HS3ST1: variants seen among roughly 807,000 people sequenced by gnomAD.
HS3ST1 encodes the protein heparan sulfate-glucosamine 3-sulfotransferase 1, also known as heparan sulfate glucosamine 3-O-sulfotransferase 1.
A neutral mutation model predicts 20.7 loss-of-function variants in HS3ST1; 8 were observed. The ratio of observed to expected loss-of-function variants is 0.39; its 90% CI spans 0.23 to 0.70. The LOEUF (loss-of-function observed/expected upper bound fraction) is 0.70. Ranked by LOEUF, HS3ST1 falls within the 30% of genes least tolerant of loss-of-function variation. The probability of loss-of-function intolerance (pLI) is 0.46; values close to 1 mark genes in which losing one functional copy is unlikely to be tolerated. For missense variants in HS3ST1, 436 were observed against 423.4 expected (o/e 1.03, Z -0.26); for synonymous variants, 205 against 190.4 (o/e 1.08, Z -0.63).
At chr4:11,433,229 A>G (rs189985297), upstream of HS3ST1, among the ~76,000 whole-genome samples, 265 of 152,318 alleles carry the variant, frequency 1.7e-3, 2 homozygotes, top group African/African-American at 5.7e-3. Context: ...TCAAGGTACC[A>G]TAAGCTCTGG....
At chr4:11,404,513 A>T (rs970786722) in intron 1 of HS3ST1, among the ~76,000 whole-genome samples, 1 of 152,228 alleles carries the variant, frequency 6.6e-6, no homozygotes, top group Non-Finnish European at 1.5e-5. Flanking sequence ...CATGTTTGCA[A>T]TTCTTAATCT....
chr4:11,401,881 G>A (rs1005212633), intron 1 of HS3ST1, among the ~76,000 whole-genome samples: 3 of 152,198 alleles, frequency 2.0e-5, no homozygotes, highest in African/African-American at 7.2e-5. Context: ...CCAGTCAAGG[G>A]TTTATGTTTT....
At chr4:11,424,612 A>G (rs1390581358) in intron 1 of HS3ST1, among the ~76,000 whole-genome samples, 1 of 152,184 alleles carries the variant, frequency 6.6e-6, no homozygotes, top group Non-Finnish European at 1.5e-5. Flanking sequence ...AAGGAATGAA[A>G]GGAACCTGGG....
Position 11,408,470 on chromosome 4 carries a change from A to T in HS3ST1, c.-108-8357T>A, listed in dbSNP as rs771612174. The stretch of plus-strand genomic sequence containing the variant: ...AGCTCAAAGAAGAAAGGACAGTGAC[A>T]CATAGAAATAATTTAGCTCTCTGTA... On this transcript the variant is annotated intron_variant, in intron 1 of 1. Coordinates refer to ENST00000002596, the MANE Select transcript of HS3ST1 (RefSeq NM_005114.4). Among the ~76,000 whole-genome samples the T allele has an allele frequency of 5.7e-4, 87 of 152,350 alleles. 1 individual carries two copies. The highest frequency in any genetic ancestry group is 1.0e-3 in the Non-Finnish European group (70 of 68,028).
rs773985479 is a variant in HS3ST1, at chr4:11,399,050, T to C, written c.*32A>G. 2.2e-5 allele frequency: 35 copies of C among 1,569,140 alleles called. No homozygotes were observed. Among genetic ancestry groups the C allele is most frequent in the Non-Finnish European group, 3.0e-5 (34 of 1,151,502 alleles). On this transcript the variant is annotated 3_prime_UTR_variant, in exon 2 of 2. Coordinates refer to ENST00000002596, the MANE Select transcript of HS3ST1 (RefSeq NM_005114.4). The surrounding 1 kb of genome is among the most constrained non-coding windows in gnomAD (Gnocchi z 5.1). ...CTCAGATGTACACCAGAACTTACAG[T>C]AGGAAAGTTTCTGAGCTTAGCTTAT... is the stretch of plus-strand genomic sequence containing the variant.
At chr4:11,428,415 A>T (rs557477128) in intron 1 of HS3ST1, 18 of 152,160 alleles carry the variant, frequency 1.2e-4, no homozygotes, top group African/African-American at 4.1e-4. Flanking sequence ...GCAGGGGGGG[A>T]AAACATCCAA....
At chr4:11,408,547 A>T (rs946785747) in intron 1 of HS3ST1, among the ~76,000 whole-genome samples, 3 of 152,246 alleles carry the variant, frequency 2.0e-5, no homozygotes, top group East Asian at 3.8e-4. Flanking sequence ...TGAACGAATG[A>T]TGAGCAGCCA....
intron 1 of HS3ST1, among the ~76,000 whole-genome samples, chr4:11,417,460 A>C (rs1207676540): frequency 2.4e-4 from 36 of 152,324 alleles, no homozygotes; most frequent in Non-Finnish European, 1.8e-4. Flanking sequence ...TGAGTGTATG[A>C]AAAATACATA....
rs192634490 is a variant in HS3ST1 at position 11,410,816 on chromosome 4, T to C, written c.-108-10703A>G. Among the ~76,000 whole-genome samples the C allele has an allele frequency of 8.7e-3, 1,322 of 152,052 alleles. 14 individuals carry two copies. Among genetic ancestry groups the C allele is most frequent in the African/African-American group, 0.029 (1,216 of 41,462 alleles). On this transcript the variant is annotated intron_variant, in intron 1 of 1. Transcript: ENST00000002596. ...CTGAGGCAGGAGAATTGCTTGAACC[T>C]GGGAGGCAGAGTTTGCAGTGAGCCA...
intron 1 of HS3ST1, among the ~76,000 whole-genome samples, chr4:11,427,584 G>A (rs920660325): frequency 1.3e-5 from 2 of 152,242 alleles, no homozygotes; most frequent in Admixed American, 1.3e-4. Flanking sequence ...GGAAAGGGAG[G>A]AGCGAGACTC....
At chr4:11,409,019 C>T (rs1399746383) in intron 1 of HS3ST1, among the ~76,000 whole-genome samples, 1 of 152,162 alleles carries the variant, frequency 6.6e-6, no homozygotes, top group East Asian at 1.9e-4. Context: ...GGCAAAATAG[C>T]CATGTGCCAT....
chr4:11,424,893 G>A (rs1719024482), intron 1 of HS3ST1, among the ~76,000 whole-genome samples: 1 of 151,792 alleles, frequency 6.6e-6, no homozygotes, highest in Non-Finnish European at 1.5e-5. Flanking sequence ...ATGAAGGGAA[G>A]GTTGTGTTCC....
In HS3ST1 at chr4:11,394,975, A is replaced by C. The variant is rs1718096179; in HGVS notation, c.*4107T>G. 6.6e-6 allele frequency: 1 copy of C among 152,238 alleles called. No individual in the cohort carries two copies. Among genetic ancestry groups the C allele is most frequent in the African/African-American group, 2.4e-5 (1 of 41,464 alleles). The allele number at this position is 152,238 out of a possible 1,614,324, so 9.4% of individuals were successfully genotyped here. On this transcript the variant is annotated 3_prime_UTR_variant, in exon 2 of 2. Transcript: ENST00000002596. ...GCCAAATTCACATGGGTGCCTGCTA[A>C]GTAAGCTTCCAACACTCCAGCCTTG...
chr4:11,408,973 C>G (rs1718541965), intron 1 of HS3ST1, among the ~76,000 whole-genome samples: 1 of 152,202 alleles, frequency 6.6e-6, no homozygotes, highest in South Asian at 2.1e-4. Flanking sequence ...TTATGTTAAC[C>G]CAGAAGTGGT....
rs1718146507 is a variant in HS3ST1, at chr4:11,396,378, C to A, written c.*2704G>T. On this transcript the variant is annotated 3_prime_UTR_variant, in exon 2 of 2. Transcript: ENST00000002596. Reference sequence around the variant, plus strand: ...AGCTGAGGCTTGGTTCAGTTGTTCTCACTTGCCTCTCTGGAAGGACCCACC... The same window carrying A: ...AGCTGAGGCTTGGTTCAGTTGTTCTAACTTGCCTCTCTGGAAGGACCCACC... 6.6e-6 allele frequency: 1 copy of A among 152,334 alleles called. No individual in the cohort carries two copies. Among genetic ancestry groups the A allele is most frequent in the Non-Finnish European group, 1.5e-5 (1 of 68,136 alleles). The allele number at this position is 152,334 out of a possible 1,614,324, so 9.4% of individuals were successfully genotyped here.
Position 11,397,855 on chromosome 4 carries a change from A to G in HS3ST1, c.*1227T>C, listed in dbSNP as rs1339878937. 6 of 152,308 alleles carry G rather than the reference A, an allele frequency of 3.9e-5. No homozygotes were observed. The highest frequency in any genetic ancestry group is 7.3e-5 in the Non-Finnish European group (5 of 68,044). The allele number at this position is 152,308 out of a possible 1,614,324, so 9.4% of individuals were successfully genotyped here. On this transcript the variant is annotated 3_prime_UTR_variant, in exon 2 of 2. Transcript: ENST00000002596. Reference sequence around the variant, plus strand: ...CTGTAATGAATGTTTTATTTTTATTAAAATCCAATGGGTTTAATTCTGTAA... The same window carrying G: ...CTGTAATGAATGTTTTATTTTTATTGAAATCCAATGGGTTTAATTCTGTAA...
At chr4:11,425,823 C>A (rs1408364410) in intron 1 of HS3ST1, among the ~76,000 whole-genome samples, 1 of 152,086 alleles carries the variant, frequency 6.6e-6, no homozygotes, top group African/African-American at 2.4e-5. Context: ...GAAATTGTTG[C>A]CCAAGGTCAT....
intron 1 of HS3ST1, among the ~76,000 whole-genome samples, chr4:11,424,503 C>T (rs1450049950): frequency 1.3e-5 from 2 of 151,988 alleles, no homozygotes; most frequent in Non-Finnish European, 2.9e-5. Flanking sequence ...CAGTGGGTTG[C>T]AATTCTGGCT....
intron 1 of HS3ST1, among the ~76,000 whole-genome samples, chr4:11,423,526 T>C (rs992627515): frequency 6.6e-6 from 1 of 152,214 alleles, no homozygotes; most frequent in African/African-American, 2.4e-5. Context: ...CATCACTATC[T>C]AACTAGGAGA....
Sources: gnomAD v4.1 joint callset for allele counts (sites outside exome capture counted in the v4.1 genomes callset) on GRCh38, gnomAD v4.1.1 for gene constraint, Gnocchi (gnomAD v3.1) non-coding constraint, MANE v1.5 for transcripts, NCBI Gene and HGNC (gene_info 2026-07-23, HGNC 2026-07-21) for gene names.